Variants in LARGE1 observed in about 807,000 individuals in gnomAD.
LARGE1 encodes xylosyl- and glucuronyltransferase LARGE1.
Under a neutral mutation model 87.6 loss-of-function variants are expected in LARGE1, and 43 were observed. That is an observed-to-expected ratio of 0.49 (90% CI 0.38 to 0.63). LARGE1 has a LOEUF of 0.63. LARGE1 is among the 30% of genes least tolerant of loss of function. The pLI is 0.00. For missense variants in LARGE1, 802 were observed against 1,000.2 expected, an observed-to-expected ratio of 0.80 and a Z score of 2.67; for synonymous variants, 434 against 394.6, an observed-to-expected ratio of 1.10 and a Z score of -1.18.
chr22:33,661,403 G>A (rs976577879), intron 2 of LARGE1, among the ~76,000 whole-genome samples: 4 of 151,612 alleles, frequency 2.6e-5, no homozygotes, highest in South Asian at 2.1e-4. Context: ...TAGTAGAGAC[G>A]GGGTTTCACC....
rs542339710 is a variant in LARGE1 at position 33,571,260 on chromosome 22, C to G, written c.616-6241G>C. On this transcript the variant is annotated intron_variant, in intron 5 of 14. Coordinates refer to ENST00000397394, the MANE Select transcript of LARGE1 (RefSeq NM_133642.5). ...TAAACTGGGGGGTTGGGGATGCTCT[C>G]AAAGGGAAATCTGCCTTCTTGAAGA... Among the ~76,000 whole-genome samples the G allele has an allele frequency of 1.3e-4, 20 of 152,224 alleles. No individual in the cohort carries two copies. The South Asian group carries it at 4.1e-3, about 32-fold the overall frequency.
chr22:33,390,429 C>T (rs1265958825), intron 7 of LARGE1, among the ~76,000 whole-genome samples: 1 of 152,178 alleles, frequency 6.6e-6, no homozygotes, highest in Non-Finnish European at 1.5e-5. Flanking sequence ...CTTCTTACTG[C>T]CCTGTTTATC....
downstream of LARGE1, among the ~76,000 whole-genome samples, chr22:33,267,992 G>A (rs933814515): frequency 2.7e-5 from 4 of 150,300 alleles, no homozygotes; most frequent in Non-Finnish European, 5.9e-5. Flanking sequence ...GTCTTGCTCT[G>A]TTGCCCAGGC....
chr22:33,573,090 G>A (rs2078253807), intron 5 of LARGE1, among the ~76,000 whole-genome samples: 1 of 151,988 alleles, frequency 6.6e-6, no homozygotes, highest in African/African-American at 2.4e-5. Flanking sequence ...TCTAAGCAAT[G>A]GATATTGTTA....
the LARGE1 span, among the ~76,000 whole-genome samples, chr22:33,144,026 C>T: frequency 6.6e-6 from 1 of 151,976 alleles, no homozygotes; most frequent in Non-Finnish European, 1.5e-5. Flanking sequence ...TTTGACTATC[C>T]GTATGTTTAC....
chr22:33,398,342 A>T (rs902425645), intron 7 of LARGE1, among the ~76,000 whole-genome samples: 1 of 150,728 alleles, frequency 6.6e-6, no homozygotes, highest in Admixed American at 6.6e-5. Context: ...ATACGAAGTT[A>T]AAAAAAAAGG....
rs2063649622 is a variant in LARGE1, at chr22:33,852,888, GAAA to G, written c.-83+67104_-83+67106del. ...AAAAAAAAAAAAAAAAAGAAAGAAA[GAAA>G]GAAAGAAAAGTGATAAGTGCTATGA... On this transcript the variant is annotated intron_variant, in intron 1 of 14. Coordinates refer to ENST00000397394, the MANE Select transcript of LARGE1 (RefSeq NM_133642.5). Among the ~76,000 whole-genome samples the G allele has an allele frequency of 3.7e-5, 4 of 107,540 alleles. No individual in the cohort carries two copies. The South Asian group carries it at 1.1e-3, about 31-fold the overall frequency. The allele number at this position is 107,540 out of a possible 152,430, so 70.6% of individuals were successfully genotyped here.
the LARGE1 span, among the ~76,000 whole-genome samples, chr22:33,077,996 T>C: frequency 1.1e-4 from 17 of 152,200 alleles, no homozygotes; most frequent in Non-Finnish European, 2.5e-4. Flanking sequence ...CTGCATGTAC[T>C]ATTTGCAATT....
At chr22:33,372,447 C>T (rs923487747) in intron 9 of LARGE1, among the ~76,000 whole-genome samples, 2 of 152,162 alleles carry the variant, frequency 1.3e-5, no homozygotes, top group African/African-American at 4.8e-5. Context: ...AAGGGACTCA[C>T]AGTTCCACGT....
intron 4 of LARGE1, 61 bp downstream of exon 4, chr22:33,626,183 A>G (rs999521149): frequency 4.1e-6 from 6 of 1,459,938 alleles, no homozygotes; most frequent in Non-Finnish European, 4.8e-6. Context: ...CCCTTCCCCA[A>G]GGAAATACAC....
intron 6 of LARGE1, among the ~76,000 whole-genome samples, chr22:33,539,289 C>A (rs890772698): frequency 2.6e-5 from 4 of 151,760 alleles, no homozygotes; most frequent in Non-Finnish European, 4.4e-5. Context: ...GTAACAGAAT[C>A]CTGCCAGCTC....
chr22:33,541,682 C>T (rs901598941), intron 6 of LARGE1, among the ~76,000 whole-genome samples: 5 of 151,586 alleles, frequency 3.3e-5, no homozygotes, highest in African/African-American at 9.7e-5. Context: ...TGCTGACTGC[C>T]CTCATCCTGT....
At chr22:33,172,678 T>C (rs555984404) in intron 11 of LARGE1, among the ~76,000 whole-genome samples, 1 of 152,188 alleles carries the variant, frequency 6.6e-6, no homozygotes, top group East Asian at 1.9e-4. Flanking sequence ...TGTGATAAGA[T>C]TATAGTGCTC....
intron 7 of LARGE1, among the ~76,000 whole-genome samples, chr22:33,389,877 ACC>A (rs1355443413): frequency 1.1e-4 from 16 of 151,602 alleles, no homozygotes; most frequent in South Asian, 2.1e-4. Flanking sequence ...CAACCAACCA[ACC>A]AACCAACCAA....
chr22:33,750,914 T>C lies in LARGE1; in HGVS notation c.106+10457A>G, dbSNP rs1465245329. The C allele has an allele frequency of 2.0e-5, 3 of 152,204 alleles. No homozygotes were observed. In the East Asian group the frequency reaches 5.8e-4, roughly 29 times the overall value. 9.4% of individuals were successfully genotyped at this position (152,204 alleles called of 1,614,324 possible). ...GTCATTACATAGAAGTGTTAAACAA[T>C]GATCTCTAAAGAAAAGTTTCATTCT... On this transcript the variant is annotated intron_variant, in intron 2 of 14. Transcript: ENST00000397394.
chr22:33,125,394 A>G, the LARGE1 span, among the ~76,000 whole-genome samples: 1 of 151,902 alleles, frequency 6.6e-6, no homozygotes, highest in Admixed American at 6.6e-5. Context: ...AGCATCCTAT[A>G]TGTATCGTGC....
intron 3 of LARGE1, among the ~76,000 whole-genome samples, chr22:33,645,852 A>C (rs2080596325): frequency 6.6e-6 from 1 of 152,230 alleles, no homozygotes; most frequent in Non-Finnish European, 1.5e-5. Context: ...GCTCAGCATC[A>C]CTGGTCATCA....
chr22:33,402,215 G>C (rs2065947508), intron 7 of LARGE1, among the ~76,000 whole-genome samples: 1 of 152,172 alleles, frequency 6.6e-6, no homozygotes, highest in South Asian at 2.1e-4. Context: ...GGCTTTGGTA[G>C]GTCTGCTGTG....
intron 7 of LARGE1, among the ~76,000 whole-genome samples, chr22:33,393,550 G>C (rs547804755): frequency 2.6e-5 from 4 of 152,196 alleles, no homozygotes; most frequent in African/African-American, 7.2e-5. Flanking sequence ...GAAACAACAC[G>C]GATTTGGCTT....
Sources: gnomAD v4.1 joint callset for allele counts (sites outside exome capture counted in the v4.1 genomes callset) on GRCh38, gnomAD v4.1.1 for gene constraint, MANE v1.5 for transcripts, NCBI Gene and HGNC (gene_info 2026-07-23, HGNC 2026-07-21) for gene names.